CTNND2: variants seen among roughly 807,000 people sequenced by gnomAD.
CTNND2 encodes the protein catenin delta-2.
In CTNND2, 22 loss-of-function variants were observed where a neutral mutation model predicts 144.4. The observed-to-expected ratio is 0.15, with a 90% CI of 0.11 to 0.22. CTNND2 has a LOEUF of 0.22. Among genes scored for constraint, CTNND2 ranks in the 10% least tolerant of loss-of-function variants. CTNND2 has a pLI of 1.00. For missense variants in CTNND2, 1,353 were observed against 1,618.8 expected (o/e 0.84, Z 2.82); for synonymous variants, 751 against 695.6 (o/e 1.08, Z -1.25).
intron 1 of CTNND2, among the ~76,000 whole-genome samples, chr5:11,771,406 T>C (rs1789926517): frequency 6.6e-6 from 1 of 151,442 alleles, no homozygotes; most frequent in African/African-American, 2.4e-5. Flanking sequence ...CATTTTTCAA[T>C]GTTTAAATTA....
chr5:10,991,935 T>A (rs1354037484), intron 19 of CTNND2, among the ~76,000 whole-genome samples: 1 of 152,248 alleles, frequency 6.6e-6, no homozygotes, highest in African/African-American at 2.4e-5. Flanking sequence ...ATTTATTTAT[T>A]GAGACGGAGT....
intron 9 of CTNND2, among the ~76,000 whole-genome samples, chr5:11,263,548 T>G (rs1055097234): frequency 7.9e-5 from 12 of 151,692 alleles, no homozygotes; most frequent in Non-Finnish European, 1.5e-4. Context: ...GGAGAAAGAG[T>G]GAAGACAGAG....
At chr5:11,439,970 G>A (rs1305033722) in intron 3 of CTNND2, among the ~76,000 whole-genome samples, 17 of 151,772 alleles carry the variant, frequency 1.1e-4, no homozygotes, top group Non-Finnish European at 2.5e-4. Context: ...CACCATGCCT[G>A]GTCCACACTG....
chr5:11,253,405 T>C (rs986667350), intron 9 of CTNND2, among the ~76,000 whole-genome samples: 4 of 152,236 alleles, frequency 2.6e-5, no homozygotes, highest in African/African-American at 7.2e-5. Context: ...TGGAAGATAA[T>C]TGAATCATGG....
intron 11 of CTNND2, among the ~76,000 whole-genome samples, chr5:11,163,833 C>T (rs776632721): frequency 2.6e-5 from 4 of 152,138 alleles, no homozygotes; most frequent in African/African-American, 4.8e-5. Context: ...TCATTCTTCA[C>T]GTTTGCAATT....
At chr5:11,257,460 A>G (rs1430861606) in intron 9 of CTNND2, among the ~76,000 whole-genome samples, 1 of 152,214 alleles carries the variant, frequency 6.6e-6, no homozygotes, top group Non-Finnish European at 1.5e-5. Context: ...ATCGCCGGGG[A>G]GGCCTCAGGA....
At chr5:11,470,971 TATATATATA>T (rs200872620) in intron 3 of CTNND2, among the ~76,000 whole-genome samples, 9 of 95,776 alleles carry the variant, frequency 9.4e-5, no homozygotes, top group African/African-American at 3.9e-4. Context: ...TATATATATA[TATATATATA>T]TTTTTTTTTT....
At chr5:11,235,023 C>T (rs1741471939) in intron 10 of CTNND2, among the ~76,000 whole-genome samples, 1 of 152,192 alleles carries the variant, frequency 6.6e-6, no homozygotes, top group Non-Finnish European at 1.5e-5. Context: ...TGTGCTTGGC[C>T]TGGAAAGCCT....
At chr5:10,992,812 G>A (rs763701450) in intron 18 of CTNND2, 135 bp from the exon 19 acceptor site, 12 of 1,219,778 alleles carry the variant, frequency 9.8e-6, no homozygotes, top group South Asian at 4.3e-5. Context: ...GAAGTTCTGC[G>A]CTCTCATGGA....
intron 6 of CTNND2, among the ~76,000 whole-genome samples, chr5:11,395,229 T>C (rs544672404): frequency 5.2e-4 from 79 of 152,350 alleles, no homozygotes; most frequent in Non-Finnish European, 1.0e-3. Flanking sequence ...TGACATTACA[T>C]TGAAGTCACA....
intron 2 of CTNND2, among the ~76,000 whole-genome samples, chr5:11,599,302 T>A (rs1779666723): frequency 1.3e-5 from 2 of 151,990 alleles, no homozygotes; most frequent in South Asian, 4.1e-4. Context: ...CCTGGAAAAC[T>A]AAAAAAAATT....
chr5:11,365,740 G>C (rs994344464), intron 7 of CTNND2, among the ~76,000 whole-genome samples: 1 of 152,188 alleles, frequency 6.6e-6, no homozygotes, highest in African/African-American at 2.4e-5. Flanking sequence ...GGGTGAAGAG[G>C]CTGGCTTGAC....
intron 2 of CTNND2, among the ~76,000 whole-genome samples, chr5:11,614,778 T>C (rs1332545369): frequency 1.3e-5 from 2 of 152,182 alleles, no homozygotes; most frequent in East Asian, 3.9e-4. Context: ...TAACATACAC[T>C]TGAGAGTCCA....
intron 10 of CTNND2, among the ~76,000 whole-genome samples, chr5:11,212,329 G>A (rs1561029280): frequency 6.6e-6 from 1 of 152,188 alleles, no homozygotes; most frequent in Non-Finnish European, 1.5e-5. Context: ...AAATGGGGTG[G>A]GGTAATTGTT....
At chr5:11,769,722 T>C (rs1789809486) in intron 1 of CTNND2, among the ~76,000 whole-genome samples, 1 of 152,172 alleles carries the variant, frequency 6.6e-6, no homozygotes, top group Admixed American at 6.5e-5. Context: ...ATAAAATATA[T>C]GCCCCAGAAT....
chr5:10,991,727 C>T lies in CTNND2; in HGVS notation c.3211+824G>A, dbSNP rs186342835. Among the ~76,000 whole-genome samples, 62 of 152,148 alleles carry T rather than the reference C, an allele frequency of 4.1e-4. No homozygotes were observed. In the East Asian group the frequency reaches 0.01, roughly 26 times the overall value. On this transcript the variant is annotated intron_variant, in intron 19 of 21. Transcript: ENST00000304623. ...ATGACATGGAAGTTATAGTTGGCTACGATAATAATTTATCAGTGGCATCTG... is the reference window on the plus strand; with the variant it reads ...ATGACATGGAAGTTATAGTTGGCTATGATAATAATTTATCAGTGGCATCTG...
chr5:11,316,647 C>G (rs1257337442), intron 9 of CTNND2, among the ~76,000 whole-genome samples: 4 of 151,024 alleles, frequency 2.6e-5, no homozygotes, highest in Non-Finnish European at 4.4e-5. Context: ...CCCCTTCCCC[C>G]CACCCCACAA....
At chr5:11,394,644 A>C (rs1448091563) in intron 6 of CTNND2, among the ~76,000 whole-genome samples, 1 of 152,212 alleles carries the variant, frequency 6.6e-6, no homozygotes, top group Non-Finnish European at 1.5e-5. Flanking sequence ...TCAGAGAACA[A>C]ATATTTTATG....
chr5:11,570,355 A>G (rs1462627752), intron 2 of CTNND2, among the ~76,000 whole-genome samples: 4 of 152,122 alleles, frequency 2.6e-5, no homozygotes, highest in African/African-American at 9.7e-5. Flanking sequence ...TGTCTTCTTC[A>G]TTCTCCTACT....
Sources: allele counts gnomAD v4.1 joint callset (sites outside exome capture counted in the v4.1 genomes callset), GRCh38; gene constraint gnomAD v4.1.1; transcripts MANE v1.5; gene names NCBI Gene and HGNC (gene_info 2026-07-23, HGNC 2026-07-21).